The following LRFN5 variants were observed in gnomAD, a reference collection of about 807,000 sequenced individuals.
LRFN5 encodes leucine rich repeat and fibronectin type III domain containing 5, also known as leucine-rich repeat and fibronectin type-III domain-containing protein 5.
In LRFN5, 24 loss-of-function variants were observed where a neutral mutation model predicts 45.6. The observed-to-expected ratio is 0.53, with a 90% CI of 0.38 to 0.74. The LOEUF is 0.74. Ranked by LOEUF, LRFN5 falls within the 30% of genes least tolerant of loss-of-function variation. The pLI is 0.00. For missense variants in LRFN5, 776 were observed against 861.5 expected (o/e 0.90, Z 1.24); for synonymous variants, 340 against 313.8 (o/e 1.08, Z -0.88).
intron 2 of LRFN5, among the ~76,000 whole-genome samples, chr14:41,823,422 T>G (rs1184134065): frequency 7.8e-5 from 1 of 12,772 alleles, no homozygotes; most frequent in Non-Finnish European, 1.2e-4. Context: ...ATTCTTGGCT[T>G]ATCTATATCT....
intron 1 of LRFN5, among the ~76,000 whole-genome samples, chr14:41,621,251 A>G (rs1282834681): frequency 2.6e-5 from 4 of 152,068 alleles, no homozygotes; most frequent in African/African-American, 7.2e-5. Flanking sequence ...AATACAGTCT[A>G]TATTGGGAAT....
chr14:41,669,896 C>G (rs1055412177), intron 1 of LRFN5, among the ~76,000 whole-genome samples: 1 of 149,890 alleles, frequency 6.7e-6, no homozygotes, highest in African/African-American at 2.5e-5. Flanking sequence ...GAGAAATTCA[C>G]TATTTGGAAA....
chr14:41,777,075 A>C (rs1010141364), intron 2 of LRFN5, among the ~76,000 whole-genome samples: 1 of 152,074 alleles, frequency 6.6e-6, no homozygotes, highest in South Asian at 2.1e-4. Context: ...CTGCACAAAT[A>C]CTATACTCTA....
intron 2 of LRFN5, among the ~76,000 whole-genome samples, chr14:41,815,662 C>A (rs1887892116): frequency 6.6e-6 from 1 of 152,084 alleles, no homozygotes; most frequent in Non-Finnish European, 1.5e-5. Context: ...CCCTTGAATG[C>A]AAGAGATCAA....
intron 1 of LRFN5, among the ~76,000 whole-genome samples, chr14:41,756,130 G>T (rs1350204247): frequency 6.6e-6 from 1 of 152,180 alleles, no homozygotes; most frequent in Non-Finnish European, 1.5e-5. Context: ...TCTGCCGAGA[G>T]ATCAGCTGTT....
At chr14:41,810,278 G>A (rs1364133967) in intron 2 of LRFN5, among the ~76,000 whole-genome samples, 1 of 151,964 alleles carries the variant, frequency 6.6e-6, no homozygotes, top group Non-Finnish European at 1.5e-5. Flanking sequence ...ATACATTACT[G>A]CCTCATTGAG....
At chr14:41,758,622 G>A (rs189670831) in intron 1 of LRFN5, among the ~76,000 whole-genome samples, 2 of 152,268 alleles carry the variant, frequency 1.3e-5, no homozygotes, top group East Asian at 3.9e-4. Flanking sequence ...AAAAGACCAA[G>A]GACAGCAGGG....
At position 41,887,936 on chromosome 14, in the gene LRFN5, T is replaced by C. The variant is rs1308819431; in HGVS notation, c.1311T>C (p.Phe437=). ...TSSTALLKFN[F]QRNIPGIRMF... The stretch of plus-strand genomic sequence containing the variant: ...CAACGGCACTACTTAAATTTAATTT[T>C]CAAAGAAATATCCCTGGAATACGTA... The change falls in exon 3 of 6, where the codon TTT becomes TTC. Residue 437 remains phenylalanine (F), a synonymous_variant. Transcript: ENST00000298119. This position sits in a 1 kb window ranked among gnomAD's most constrained non-coding sequence, Gnocchi z 4.8. 3.7e-6 allele frequency: 6 copies of C among 1,613,796 alleles called. No homozygotes were observed. In the South Asian group the frequency reaches 5.5e-5, roughly 15 times the overall value.
At chr14:41,717,372 G>A (rs1883534980) in intron 1 of LRFN5, among the ~76,000 whole-genome samples, 1 of 152,198 alleles carries the variant, frequency 6.6e-6, no homozygotes. Flanking sequence ...ATATTTCTGT[G>A]TTTAAATGAA....
At chr14:41,751,238 A>T (rs532562047) in intron 1 of LRFN5, among the ~76,000 whole-genome samples, 42 of 152,156 alleles carry the variant, frequency 2.8e-4, no homozygotes, top group Non-Finnish European at 4.7e-4. Flanking sequence ...TCAGCATGTA[A>T]TCACTCTAAA....
chr14:41,722,644 C>CT (rs1348589448), intron 1 of LRFN5, among the ~76,000 whole-genome samples: 2 of 149,718 alleles, frequency 1.3e-5, no homozygotes, highest in Non-Finnish European at 3.0e-5. Flanking sequence ...TGGGAAGAGT[C>CT]TTTTTGCTTT....
chr14:41,663,861 G>T (rs1346190450), intron 1 of LRFN5, among the ~76,000 whole-genome samples: 1 of 151,958 alleles, frequency 6.6e-6, no homozygotes, highest in African/African-American at 2.4e-5. Flanking sequence ...ATATAAAAAT[G>T]AAATAAATAG....
chr14:41,663,321 T>C (rs1880742422), intron 1 of LRFN5, among the ~76,000 whole-genome samples: 2 of 152,160 alleles, frequency 1.3e-5, no homozygotes, highest in South Asian at 4.1e-4. Flanking sequence ...CATCCTTTGA[T>C]GTCAGTAGAT....
intron 4 of LRFN5, chr14:41,893,547 T>C: frequency 1.0e-6 from 1 of 984,682 alleles, no homozygotes; most frequent in Non-Finnish European, 1.2e-6. Flanking sequence ...AAAAGTTTAT[T>C]AACTTTTTCA....
intron 2 of LRFN5, among the ~76,000 whole-genome samples, chr14:41,868,759 A>T (rs1889920660): frequency 6.6e-6 from 1 of 152,192 alleles, no homozygotes; most frequent in Non-Finnish European, 1.5e-5. Context: ...CATTTAAAAC[A>T]TTTTTGTGAA....
intron 2 of LRFN5, among the ~76,000 whole-genome samples, chr14:41,852,518 A>G (rs1230349601): frequency 6.6e-6 from 1 of 151,974 alleles, no homozygotes; most frequent in Non-Finnish European, 1.5e-5. Flanking sequence ...TATGAAAGAC[A>G]TTCAGACTTT....
At chr14:41,868,590 G>C (rs1232568377) in intron 2 of LRFN5, among the ~76,000 whole-genome samples, 4 of 152,130 alleles carry the variant, frequency 2.6e-5, no homozygotes, top group African/African-American at 9.7e-5. Context: ...TGCATGGTAT[G>C]AATGGAATGT....
At chr14:41,755,955 G>A (rs1480336130) in intron 1 of LRFN5, among the ~76,000 whole-genome samples, 1 of 152,184 alleles carries the variant, frequency 6.6e-6, no homozygotes, top group Non-Finnish European at 1.5e-5. Flanking sequence ...TTTTAGGGCA[G>A]GCCTGGCGGT....
At chr14:41,781,645 AAGAG>A (rs767152110) in intron 2 of LRFN5, among the ~76,000 whole-genome samples, 29 of 150,132 alleles carry the variant, frequency 1.9e-4, no homozygotes, top group Middle Eastern at 3.4e-3. Flanking sequence ...GAAAGAAAGA[AAGAG>A]AAAGAAAGAA....
Sources: gnomAD v4.1 joint callset for allele counts (sites outside exome capture counted in the v4.1 genomes callset) on GRCh38, gnomAD v4.1.1 for gene constraint, Gnocchi (gnomAD v3.1) non-coding constraint, MANE v1.5 for transcripts, NCBI Gene and HGNC (gene_info 2026-07-23, HGNC 2026-07-21) for gene names.